HTR1F: variants seen among roughly 807,000 people sequenced by gnomAD.
HTR1F encodes the protein 5-hydroxytryptamine receptor 1F, also known as 5-hydroxytryptamine (serotonin) receptor 1F, G protein-coupled.
Under a neutral mutation model 24.0 loss-of-function variants are expected in HTR1F, and 17 were observed. The ratio of observed to expected loss-of-function variants is 0.71; its 90% confidence interval spans 0.48 to 1.06. HTR1F has a LOEUF of 1.06. Among genes scored for constraint, HTR1F ranks in the 50% least tolerant of loss-of-function variants. The pLI is 0.00. For synonymous variants in HTR1F, 186 were observed against 156.8 expected (o/e 1.19, Z -1.39); for missense variants, 391 against 427.8 (o/e 0.91, Z 0.76).
At chr3:87,932,418 A>T (rs555291822) in intron 2 of HTR1F, among the ~76,000 whole-genome samples, 1 of 152,162 alleles carries the variant, frequency 6.6e-6, no homozygotes, top group Non-Finnish European at 1.5e-5. Flanking sequence ...CTGTTTTGGT[A>T]CCAGTACCAT....
At chr3:87,905,745 A>C (rs902254695) in intron 2 of HTR1F, among the ~76,000 whole-genome samples, 7 of 152,130 alleles carry the variant, frequency 4.6e-5, no homozygotes, top group African/African-American at 1.4e-4. Context: ...CAAAAAAAAA[A>C]AAAATGGAAA....
intron 2 of HTR1F, among the ~76,000 whole-genome samples, chr3:87,851,620 G>T (rs552208990): frequency 1.1e-4 from 17 of 151,624 alleles, no homozygotes; most frequent in Non-Finnish European, 2.4e-4. Context: ...AATATTCCAT[G>T]CTGTTGATAT....
At chr3:87,886,455 A>C (rs1308739227) in intron 2 of HTR1F, among the ~76,000 whole-genome samples, 1 of 151,938 alleles carries the variant, frequency 6.6e-6, no homozygotes, top group Non-Finnish European at 1.5e-5. Context: ...CTCTCTCACC[A>C]CTCCTATGCA....
chr3:87,907,551 A>G (rs2107340975), intron 2 of HTR1F, among the ~76,000 whole-genome samples: 1 of 152,212 alleles, frequency 6.6e-6, no homozygotes, highest in East Asian at 1.9e-4. Flanking sequence ...ATGTTCAGGC[A>G]TAGAAAATTC....
At chr3:87,931,050 T>G (rs1162456999) in intron 2 of HTR1F, among the ~76,000 whole-genome samples, 2 of 53,960 alleles carry the variant, frequency 3.7e-5, no homozygotes, top group African/African-American at 1.9e-4. Flanking sequence ...TTTTTTTACT[T>G]TTTTTATTGT....
At chr3:87,936,704 C>T (rs998803297) in intron 2 of HTR1F, among the ~76,000 whole-genome samples, 2 of 152,064 alleles carry the variant, frequency 1.3e-5, no homozygotes, top group Non-Finnish European at 2.9e-5. Context: ...TACATTAAAT[C>T]ACGGAGCATA....
At chr3:87,810,154 T>C (rs918726793) in intron 1 of HTR1F, among the ~76,000 whole-genome samples, 2 of 152,140 alleles carry the variant, frequency 1.3e-5, no homozygotes, top group African/African-American at 4.8e-5. Flanking sequence ...AAAATATATG[T>C]TTATTCAATT....
intron 2 of HTR1F, among the ~76,000 whole-genome samples, chr3:87,935,288 T>G (rs1188501375): frequency 6.6e-6 from 1 of 152,214 alleles, no homozygotes; most frequent in African/African-American, 2.4e-5. Flanking sequence ...TGCTACTTCC[T>G]CCATACTCCC....
rs1244676944 is a variant in HTR1F, at chr3:87,912,532, A to T, written c.-42-78176A>T. The stretch of plus-strand genomic sequence containing the variant: ...ACAGATTCAATGCTATTCCTGTCAA[A>T]CCACCTATGACATTCTTCACAGAAC... On this transcript the variant is annotated intron_variant, in intron 2 of 2. Coordinates refer to ENST00000319595, the MANE Select transcript of HTR1F (RefSeq NM_001322209.2). 4.0e-5 allele frequency among the ~76,000 whole-genome samples: 6 copies of T among 150,912 alleles called. No homozygotes were observed. The East Asian group carries it at 7.8e-4, about 20-fold the overall frequency.
intron 2 of HTR1F, among the ~76,000 whole-genome samples, chr3:87,980,443 T>C (rs1293501911): frequency 6.6e-6 from 1 of 152,178 alleles, no homozygotes; most frequent in East Asian, 1.9e-4. Context: ...AGGGTTTTTA[T>C]GGGCTTCAGA....
At chr3:87,896,170 C>G (rs1414375560) in intron 2 of HTR1F, among the ~76,000 whole-genome samples, 1 of 152,172 alleles carries the variant, frequency 6.6e-6, no homozygotes, top group East Asian at 1.9e-4. Flanking sequence ...ACCCCTCTGA[C>G]TATTTACCAG....
At chr3:87,797,316 G>A (rs1346596084) in intron 1 of HTR1F, among the ~76,000 whole-genome samples, 1 of 152,146 alleles carries the variant, frequency 6.6e-6, no homozygotes, top group African/African-American at 2.4e-5. Context: ...ACTACTGTAT[G>A]TACATTCAAT....
At chr3:87,806,439 G>A (rs1704075894) in intron 1 of HTR1F, among the ~76,000 whole-genome samples, 1 of 151,928 alleles carries the variant, frequency 6.6e-6, no homozygotes, top group Non-Finnish European at 1.5e-5. Context: ...TTTAACTGGG[G>A]TAAAACAATA....
intron 2 of HTR1F, among the ~76,000 whole-genome samples, chr3:87,931,233 G>A (rs1435298699): frequency 6.6e-6 from 1 of 151,416 alleles, no homozygotes; most frequent in African/African-American, 2.4e-5. Flanking sequence ...AGAGGGTGAT[G>A]TTCCCCTTCC....
intron 1 of HTR1F, among the ~76,000 whole-genome samples, chr3:87,816,475 C>A (rs1704252762): frequency 6.6e-6 from 1 of 152,024 alleles, no homozygotes. Context: ...ACATTCTTTA[C>A]AATCTAGCCC....
chr3:87,881,108 G>A (rs1705785345), intron 2 of HTR1F, among the ~76,000 whole-genome samples: 1 of 151,924 alleles, frequency 6.6e-6, no homozygotes, highest in Non-Finnish European at 1.5e-5. Context: ...CGGAGGGTGA[G>A]CCTAAGCAGG....
intron 2 of HTR1F, among the ~76,000 whole-genome samples, chr3:87,945,858 C>CTGGG (rs1559644115): frequency 1.3e-5 from 2 of 150,364 alleles, no homozygotes; most frequent in African/African-American, 5.0e-5. Context: ...CAAAATGTTA[C>CTGGG]CGGGGGGGTC....
At chr3:87,940,074 C>T (rs1334599925) in intron 2 of HTR1F, among the ~76,000 whole-genome samples, 1 of 152,180 alleles carries the variant, frequency 6.6e-6, no homozygotes, top group Non-Finnish European at 1.5e-5. Flanking sequence ...TCTTTGTTCT[C>T]ATTGGTTTCA....
chr3:87,957,743 A>T (rs1704975855), intron 2 of HTR1F, among the ~76,000 whole-genome samples: 1 of 151,262 alleles, frequency 6.6e-6, no homozygotes, highest in South Asian at 2.1e-4. Flanking sequence ...ATTTGTGTAG[A>T]AAACCCATTT....
Sources: gnomAD v4.1 joint callset for allele counts (sites outside exome capture counted in the v4.1 genomes callset) on GRCh38, gnomAD v4.1.1 for gene constraint, MANE v1.5 for transcripts, NCBI Gene and HGNC (gene_info 2026-07-23, HGNC 2026-07-21) for gene names.